TAS2R1: variants seen among roughly 807,000 people sequenced by gnomAD.
The protein encoded by TAS2R1 is taste receptor type 2 member 1.
For synonymous variants in TAS2R1, 141 were observed against 134.2 expected (o/e 1.05, Z -0.35); for missense variants, 370 against 353.4 (o/e 1.05, Z -0.38).
the TAS2R1 span, among the ~76,000 whole-genome samples, chr5:9,840,853 ATTTATTTTTTTTTTTTTTTTTTTTTT>A: frequency 2.0e-4 from 4 of 19,616 alleles, no homozygotes; most frequent in Non-Finnish European, 4.1e-4. Flanking sequence ...TTATTTATTT[ATTTATTTTTTTTTTTTTTTTTTTTTT>A]TTTTTTTTTT....
chr5:9,713,100 G>A (rs770468317), upstream of TAS2R1: 2 of 152,034 alleles, frequency 1.3e-5, no homozygotes, highest in Non-Finnish European at 2.9e-5. Flanking sequence ...CACGCAGACT[G>A]GGATATATTT....
At chr5:9,874,184 T>C in the TAS2R1 span, among the ~76,000 whole-genome samples, 1 of 152,226 alleles carries the variant, frequency 6.6e-6, no homozygotes, top group Non-Finnish European at 1.5e-5. Flanking sequence ...TATTTTAAAC[T>C]ATATCCTTTA....
chr5:9,747,435 A>T, the TAS2R1 span, among the ~76,000 whole-genome samples: 1 of 152,138 alleles, frequency 6.6e-6, no homozygotes, highest in Admixed American at 6.6e-5. Context: ...GGCTGCTTCC[A>T]CTCAAGGCAG....
At chr5:9,887,837 G>C in the TAS2R1 span, among the ~76,000 whole-genome samples, 1 of 152,128 alleles carries the variant, frequency 6.6e-6, no homozygotes, top group Non-Finnish European at 1.5e-5. Flanking sequence ...AGAAAGCGAG[G>C]GGTCAATTTG....
At chr5:9,782,810 T>C in the TAS2R1 span, among the ~76,000 whole-genome samples, 1 of 152,212 alleles carries the variant, frequency 6.6e-6, no homozygotes, top group Non-Finnish European at 1.5e-5. Flanking sequence ...ATAAAAAGCA[T>C]TCTTTGGGGG....
At chr5:9,786,022 G>C in the TAS2R1 span, among the ~76,000 whole-genome samples, 1 of 152,240 alleles carries the variant, frequency 6.6e-6, no homozygotes, top group East Asian at 1.9e-4. Context: ...CTGCTCTGCA[G>C]AGAACTGTCC....
the TAS2R1 span, among the ~76,000 whole-genome samples, chr5:9,739,394 T>C: frequency 6.6e-6 from 1 of 152,338 alleles, no homozygotes; most frequent in Non-Finnish European, 1.5e-5. Flanking sequence ...GGAGGCACTA[T>C]GTGTTGGGCA....
intron 1 of TAS2R1, among the ~76,000 whole-genome samples, chr5:9,660,225 ATTTTTTT>A (rs35208333): frequency 4.5e-5 from 4 of 88,820 alleles, no homozygotes; most frequent in African/African-American, 1.4e-4. Context: ...CTCCCGGCTA[ATTTTTTT>A]TTTTTTTTTT....
the TAS2R1 span, among the ~76,000 whole-genome samples, chr5:9,833,953 G>A: frequency 3.3e-5 from 5 of 152,322 alleles, no homozygotes; most frequent in South Asian, 6.2e-4. Flanking sequence ...CAGAGCCCCA[G>A]GTGAGTAAAG....
chr5:9,865,231 A>G, the TAS2R1 span, among the ~76,000 whole-genome samples: 1 of 152,172 alleles, frequency 6.6e-6, no homozygotes, highest in African/African-American at 2.4e-5. Context: ...GAATGAAGGA[A>G]TGGAGAGAAG....
chr5:9,788,002 G>T, the TAS2R1 span, among the ~76,000 whole-genome samples: 1 of 152,206 alleles, frequency 6.6e-6, no homozygotes, highest in Non-Finnish European at 1.5e-5. Flanking sequence ...ATTTTGCAAT[G>T]CTGGATGCAT....
the TAS2R1 span, among the ~76,000 whole-genome samples, chr5:9,773,369 G>A: frequency 7.9e-5 from 12 of 151,840 alleles, no homozygotes; most frequent in African/African-American, 1.9e-4. Context: ...TGTATGTAAC[G>A]TCTATTTCTT....
the TAS2R1 span, among the ~76,000 whole-genome samples, chr5:9,768,002 T>C: frequency 1.3e-5 from 2 of 149,886 alleles, no homozygotes; most frequent in East Asian, 4.0e-4. Flanking sequence ...TTAATTTGAA[T>C]CAAGCCCCCA....
At chr5:9,861,037 G>GTTTTGTTTTTT in the TAS2R1 span, among the ~76,000 whole-genome samples, 123 of 88,620 alleles carry the variant, frequency 1.4e-3, no homozygotes, top group African/African-American at 5.1e-3. Context: ...GGAAGATGAG[G>GTTTTGTTTTTT]TTTTTTTTTT....
intron 2 of TAS2R1, among the ~76,000 whole-genome samples, chr5:9,649,210 G>T (rs558581206): frequency 1.3e-5 from 2 of 152,148 alleles, no homozygotes; most frequent in Non-Finnish European, 2.9e-5. Context: ...CAAAAGTCAT[G>T]CATGGAATTC....
chr5:9,729,138 G>A, the TAS2R1 span, among the ~76,000 whole-genome samples: 1 of 152,348 alleles, frequency 6.6e-6, no homozygotes, highest in Non-Finnish European at 1.5e-5. Context: ...TTGGACCCCA[G>A]TCTGACCAAC....
chr5:9,839,671 T>A, the TAS2R1 span, among the ~76,000 whole-genome samples: 1 of 152,170 alleles, frequency 6.6e-6, no homozygotes, highest in Admixed American at 6.5e-5. Context: ...TTCACAGGCT[T>A]AACATGAGAG....
the TAS2R1 span, among the ~76,000 whole-genome samples, chr5:9,762,171 C>T: frequency 6.6e-6 from 1 of 152,136 alleles, no homozygotes; most frequent in Non-Finnish European, 1.5e-5. Flanking sequence ...TCTGTTTTTA[C>T]CTAGGAGATG....
At chr5:9,752,914 T>C in the TAS2R1 span, among the ~76,000 whole-genome samples, 19 of 152,242 alleles carry the variant, frequency 1.2e-4, no homozygotes, top group African/African-American at 4.3e-4. Context: ...TTCCATAGTG[T>C]ATATGTGCCA....
Sources: gnomAD v4.1 joint callset for allele counts (sites outside exome capture counted in the v4.1 genomes callset) on GRCh38, gnomAD v4.1.1 for gene constraint, MANE v1.5 for transcripts, NCBI Gene and HGNC (gene_info 2026-07-23, HGNC 2026-07-21) for gene names.